The following COG5 variants were observed in gnomAD, a reference collection of about 807,000 sequenced individuals.
COG5 encodes the protein component of oligomeric golgi complex 5.
Under a neutral mutation model 110.4 loss-of-function variants are expected in COG5, and 86 were observed. That is an observed-to-expected ratio of 0.78 (90% confidence interval 0.65 to 0.93). The LOEUF (loss-of-function observed/expected upper bound fraction) is 0.93, where lower values mean the gene tolerates loss of function less well. Among genes scored for constraint, COG5 ranks in the 40% least tolerant of loss-of-function variants. The pLI is 0.00. For synonymous variants in COG5, 360 were observed against 334.6 expected, an observed-to-expected ratio of 1.08 and a Z score of -0.83; for missense variants, 1,077 against 987.0, an observed-to-expected ratio of 1.09 and a Z score of -1.22.
intron 14 of COG5, among the ~76,000 whole-genome samples, chr7:107,266,098 G>C (rs1271306233): frequency 1.3e-5 from 2 of 151,932 alleles, no homozygotes; most frequent in Non-Finnish European, 2.9e-5. Flanking sequence ...GTGTGTGTGA[G>C]AGAGTTTGTA....
chr7:107,520,559 A>G (rs955676835), intron 6 of COG5, among the ~76,000 whole-genome samples: 2 of 152,190 alleles, frequency 1.3e-5, no homozygotes, highest in African/African-American at 4.8e-5. Flanking sequence ...TACAAAGAGA[A>G]TAAAATATCT....
chr7:107,420,722 A>G (rs1195246763), intron 6 of COG5, among the ~76,000 whole-genome samples: 1 of 152,200 alleles, frequency 6.6e-6, no homozygotes, highest in Non-Finnish European at 1.5e-5. Context: ...CGGCATCCCA[A>G]AGTGCTGGGA....
intron 11 of COG5, among the ~76,000 whole-genome samples, chr7:107,300,901 G>A (rs986297912): frequency 1.3e-5 from 2 of 152,056 alleles, no homozygotes; most frequent in African/African-American, 4.8e-5. Context: ...CTGATTTCAA[G>A]ACATATAAAA....
intron 21 of COG5, among the ~76,000 whole-genome samples, chr7:107,205,712 C>A (rs1334308905): frequency 6.6e-6 from 1 of 152,154 alleles, no homozygotes; most frequent in African/African-American, 2.4e-5. Flanking sequence ...TCTTAGGACT[C>A]GGCTTCAATG....
intron 6 of COG5, chr7:107,472,561 ATC>A (rs1323500757): frequency 6.6e-6 from 1 of 151,944 alleles, no homozygotes; most frequent in Non-Finnish European, 1.5e-5. Context: ...CTGATGTTTA[ATC>A]TGTCAGTTCA....
In COG5 at chr7:107,236,862, A is replaced by T. The variant is rs928862236; in HGVS notation, c.1854-175T>A. ...CGTTAGCAGAAAACAATGTTTAAAA[A>T]TTACATTTCAAAAAGTGGTTTAGAT... On this transcript the variant is annotated intron_variant, in intron 17 of 21. Transcript: ENST00000297135. Among the ~76,000 whole-genome samples the T allele has an allele frequency of 4.6e-5, 7 of 152,252 alleles. No homozygotes were observed. The East Asian group carries it at 1.3e-3, about 29-fold the overall frequency.
At chr7:107,288,992 T>C (rs1805934887) in intron 12 of COG5, among the ~76,000 whole-genome samples, 1 of 143,376 alleles carries the variant, frequency 7.0e-6, no homozygotes, top group Admixed American at 7.1e-5. Flanking sequence ...TTTTAATTTT[T>C]ACATTGATTG....
intron 19 of COG5, among the ~76,000 whole-genome samples, chr7:107,222,271 C>T (rs1454431839): frequency 6.6e-6 from 1 of 151,984 alleles, no homozygotes; most frequent in Non-Finnish European, 1.5e-5. Flanking sequence ...ATTATCTCGG[C>T]TCACTGCAAC....
At chr7:107,480,009 T>C (rs1264444097) in intron 6 of COG5, among the ~76,000 whole-genome samples, 2 of 152,166 alleles carry the variant, frequency 1.3e-5, no homozygotes, top group Non-Finnish European at 2.9e-5. Context: ...AAACATATCG[T>C]CCTCATTCTT....
chr7:107,429,034 C>T (rs1226889825), intron 6 of COG5, among the ~76,000 whole-genome samples: 6 of 152,184 alleles, frequency 3.9e-5, no homozygotes, highest in Non-Finnish European at 8.8e-5. Flanking sequence ...CCACCATGAA[C>T]ATTTCTTGTC....
rs185064907 is a variant in COG5, at chr7:107,349,719, G to A, written c.1026+12314C>T. Among the ~76,000 whole-genome samples the A allele has an allele frequency of 1.8e-3, 278 of 152,224 alleles. 6 individuals carry two copies. In the East Asian group the frequency reaches 0.027, roughly 15 times the overall value. ...ACTACAGGCGCCGGCCACCACGCCC[G>A]GCTAATTTTTTGTATTTTCAGTAGA... On this transcript the variant is annotated intron_variant, in intron 10 of 21. Coordinates refer to ENST00000297135, the MANE Select transcript of COG5 (RefSeq NM_006348.5).
At chr7:107,219,679 G>T (rs1799766833) in intron 19 of COG5, among the ~76,000 whole-genome samples, 1 of 152,158 alleles carries the variant, frequency 6.6e-6, no homozygotes, top group Non-Finnish European at 1.5e-5. Context: ...CAGAGGCTAA[G>T]GGGGGAGGAA....
chr7:107,518,946 A>G (rs1377913607), intron 6 of COG5, among the ~76,000 whole-genome samples: 1 of 152,122 alleles, frequency 6.6e-6, no homozygotes, highest in Non-Finnish European at 1.5e-5. Context: ...AATGGAAATC[A>G]TAACAAACAG....
intron 11 of COG5, among the ~76,000 whole-genome samples, chr7:107,299,826 CATATAT>C (rs71856513): frequency 0.01 from 1,082 of 103,178 alleles, 21 homozygotes; most frequent in African/African-American, 0.032. Flanking sequence ...TCATAGTTGG[CATATAT>C]ATATATATAT....
chr7:107,470,049 G>C (rs771771027), intron 6 of COG5: 1 of 152,150 alleles, frequency 6.6e-6, no homozygotes, highest in African/African-American at 2.4e-5. Context: ...GAAGCGACAA[G>C]GTAGGCTGTC....
chr7:107,538,980 T>C (rs1801785634), intron 5 of COG5, among the ~76,000 whole-genome samples: 1 of 152,162 alleles, frequency 6.6e-6, no homozygotes, highest in Non-Finnish European at 1.5e-5. Context: ...CTGGTTCTTT[T>C]GACTTTAAGT....
At chr7:107,537,655 G>A (rs920583131) in intron 5 of COG5, among the ~76,000 whole-genome samples, 1 of 151,638 alleles carries the variant, frequency 6.6e-6, no homozygotes, top group African/African-American at 2.4e-5. Context: ...GTTGATGGGT[G>A]CAGCAAACCA....
intron 10 of COG5, among the ~76,000 whole-genome samples, chr7:107,329,069 G>T (rs1490218155): frequency 2.6e-5 from 4 of 152,138 alleles, no homozygotes; most frequent in Admixed American, 6.5e-5. Context: ...CAGATCTACA[G>T]ATCTACAGAC....
chr7:107,410,536 G>A (rs1792203574), intron 7 of COG5, among the ~76,000 whole-genome samples: 2 of 152,054 alleles, frequency 1.3e-5, no homozygotes, highest in South Asian at 4.1e-4. Context: ...TCCGGCTCCT[G>A]GGTTTAAGCA....
Sources: allele counts gnomAD v4.1 joint callset (sites outside exome capture counted in the v4.1 genomes callset), GRCh38; gene constraint gnomAD v4.1.1; transcripts MANE v1.5; gene names NCBI Gene and HGNC (gene_info 2026-07-23, HGNC 2026-07-21).